The following PCNT variants were observed in gnomAD, a reference collection of about 807,000 sequenced individuals.
PCNT encodes pericentrin.
In PCNT, 319 loss-of-function variants were observed where a neutral mutation model predicts 380.4. The observed-to-expected ratio is 0.84, with a 90% CI of 0.77 to 0.92. The LOEUF is 0.92. Ranked by LOEUF, PCNT falls within the 40% of genes least tolerant of loss-of-function variation. The probability of loss-of-function intolerance (pLI) is 0.00; values close to 1 mark genes in which losing one functional copy is unlikely to be tolerated. For missense variants in PCNT, 4,400 were observed against 4,255.3 expected (o/e 1.03, Z -0.95); for synonymous variants, 1,845 against 1,735.2 (o/e 1.06, Z -1.57).
intron 15 of PCNT, among the ~76,000 whole-genome samples, chr21:46,375,952 A>G (rs905311879): frequency 6.6e-6 from 1 of 152,228 alleles, no homozygotes; most frequent in African/African-American, 2.4e-5. Context: ...GCGAAGGTCA[A>G]GACTGCACAC....
chr21:46,328,498 T>C (rs2083457346), intron 2 of PCNT, among the ~76,000 whole-genome samples: 1 of 152,220 alleles, frequency 6.6e-6, no homozygotes, highest in Non-Finnish European at 1.5e-5. Context: ...TCTCACTCTT[T>C]TGCCCAGGCT....
At chr21:46,372,050 T>C (rs1423867425) in intron 15 of PCNT, among the ~76,000 whole-genome samples, 1 of 143,382 alleles carries the variant, frequency 7.0e-6, no homozygotes, top group Non-Finnish European at 1.5e-5. Context: ...TCACAGCATA[T>C]GTGCCCATAC....
chr21:46,377,168 G>A (rs2085355593), intron 15 of PCNT, among the ~76,000 whole-genome samples: 1 of 152,236 alleles, frequency 6.6e-6, no homozygotes, highest in Non-Finnish European at 1.5e-5. Context: ...AGTTACTTCA[G>A]AAAAGGCACT....
rs978847165 is a variant in PCNT at position 46,388,717 on chromosome 21, T to C, written c.3465-25T>C. On this transcript the variant is annotated intron_variant, in intron 17 of 46. Transcript: ENST00000359568. This position sits in a 1 kb window ranked among gnomAD's most constrained non-coding sequence, Gnocchi z 4.2. The stretch of plus-strand genomic sequence containing the variant: ...GTTCTTATGCCGTGACCAGCTTGCC[T>C]GATGATGGGTGTCTCCTGTCTCAGA... 6.2e-7 allele frequency: 1 copy of C among 1,613,186 alleles called. No homozygotes were observed. Among genetic ancestry groups the C allele is most frequent in the Non-Finnish European group, 8.5e-7 (1 of 1,179,958 alleles).
chr21:46,428,282 C>T, intron 34 of PCNT, 113 bp from the exon 35 acceptor site: 3 of 966,124 alleles, frequency 3.1e-6, no homozygotes, highest in Non-Finnish European at 4.9e-6. Flanking sequence ...GCACCCATCC[C>T]AGACTCAGCA....
intron 1 of PCNT, chr21:46,325,246 G>A: frequency 2.1e-6 from 2 of 972,618 alleles, no homozygotes. Flanking sequence ...TTCTGGCTGG[G>A]GTGCTGGGGA....
chr21:46,425,747 C>A lies in PCNT; in HGVS notation c.7180-84C>A. On this transcript the variant is annotated intron_variant, in intron 32 of 46. Transcript: ENST00000359568. The surrounding 1 kb of genome is among the most constrained non-coding windows in gnomAD (Gnocchi z 4.2). ...CTGCCCGCCCTTCACAGAGTCCTGG[C>A]GGCAGCTCGGGGCCGCAGGTGGTGT... 15 of 1,590,290 alleles carry A rather than the reference C, an allele frequency of 9.4e-6. No homozygotes were observed. The highest frequency in any genetic ancestry group is 2.2e-5 in the South Asian group (2 of 90,500).
chr21:46,329,926 G>A (rs879191121), intron 2 of PCNT, among the ~76,000 whole-genome samples: 3 of 152,084 alleles, frequency 2.0e-5, no homozygotes, highest in East Asian at 1.9e-4. Context: ...ATCTCACATC[G>A]TCATCCTGAA....
intron 4 of PCNT, among the ~76,000 whole-genome samples, 156 bp downstream of exon 4, chr21:46,346,364 G>A (rs533976590): frequency 2.0e-4 from 30 of 152,326 alleles, no homozygotes; most frequent in Admixed American, 1.4e-3. Context: ...AGCAGGGCCG[G>A]TGGAGGAGAC....
intron 30 of PCNT, 52 bp from the exon 31 acceptor site, chr21:46,418,152 G>A (rs1204479771): frequency 2.0e-5 from 23 of 1,132,614 alleles, no homozygotes; most frequent in East Asian, 4.7e-5. Flanking sequence ...CAAAGTCAGC[G>A]CTATGATGTA....
intron 21 of PCNT, among the ~76,000 whole-genome samples, chr21:46,394,337 C>T (rs189236919): frequency 1.4e-4 from 22 of 152,340 alleles, no homozygotes; most frequent in South Asian, 6.2e-4. Context: ...GGCCTGCAGC[C>T]GCACAGGCAG....
At chr21:46,329,752 G>T (rs773486564) in intron 2 of PCNT, among the ~76,000 whole-genome samples, 1 of 152,310 alleles carries the variant, frequency 6.6e-6, no homozygotes, top group African/African-American at 2.4e-5. Flanking sequence ...AAAGCATTCT[G>T]TTACTTATAA....
rs1217566598 is a variant in PCNT at position 46,399,707 on chromosome 21, G to A, written c.4702G>A (p.Glu1568Lys). The change falls in exon 25 of 47, where the codon GAG becomes AAG. Residue 1568 changes from glutamate to lysine, a missense_variant. Transcript: ENST00000359568. ...GCAGGAAGAAGAAATTAAACGTCTG[G>A]AGGAGATGAACATCAACATCAGGAA... ...LMQEEEIKRL[E>K]EMNINIRKKV... The A allele has an allele frequency of 1.9e-6, 3 of 1,613,878 alleles. No individual in the cohort carries two copies. The highest frequency in any genetic ancestry group is 2.5e-6 in the Non-Finnish European group (3 of 1,179,866).
Position 46,416,785 on chromosome 21 carries a change from G to A in PCNT, c.6867G>A (p.Leu2289=). 1 of 1,602,024 alleles carries A rather than the reference G, an allele frequency of 6.2e-7. No individual in the cohort carries two copies. Among genetic ancestry groups the A allele is most frequent in the Non-Finnish European group, 8.5e-7 (1 of 1,179,112 alleles). Residue 2289 remains leucine, a synonymous_variant, in exon 30 of 47, where the codon CTG becomes CTA. Coordinates refer to ENST00000359568, the MANE Select transcript of PCNT (RefSeq NM_006031.6). ...SPGVSAAALA[L]QWAESPPADD... ...GCGTGTCTGCAGCAGCGCTGGCACT[G>A]CAGTGGGCCGAGTCTCCGCCGGCTG...
chr21:46,444,772 T>A lies in PCNT; in HGVS notation c.9918T>A (p.Tyr3306Ter). 1 of 1,613,150 alleles carries A rather than the reference T, an allele frequency of 6.2e-7. No homozygotes were observed. The highest frequency in any genetic ancestry group is 1.1e-5 in the South Asian group (1 of 91,060). The change falls in exon 46 of 47, where the codon TAT becomes TAA. Residue 3306 changes from tyrosine to a stop codon, truncating the protein, a stop_gained. Coordinates refer to ENST00000359568, the MANE Select transcript of PCNT (RefSeq NM_006031.6). LOFTEE classifies it high-confidence loss of function. ...SQDPEHSLTE[Y>*]IHHLEVIQQR... ...ATCCAGAACATTCCTTGACAGAGTA[T>A]ATTCACCATTTAGAAGTGATCCAGC...
rs1418455355 is a variant in PCNT, at chr21:46,431,133, G to C, written c.8065-396G>C. The C allele has an allele frequency of 5.0e-6, 6 of 1,189,028 alleles. No individual in the cohort carries two copies. In the South Asian group the frequency reaches 7.0e-5, roughly 14 times the overall value. 73.7% of individuals were successfully genotyped at this position (1,189,028 alleles called of 1,614,324 possible). ...CCTAGCAAGCTGGGTGTGTATCTCT[G>C]AGCCTCTGGTGGAGTGATTTTCTGA... is the stretch of plus-strand genomic sequence containing the variant. On this transcript the variant is annotated intron_variant, in intron 37 of 46. Transcript: ENST00000359568.
At chr21:46,367,310 C>CTTT (rs35676009) in intron 15 of PCNT, among the ~76,000 whole-genome samples, 171 bp downstream of exon 15, 6 of 132,736 alleles carry the variant, frequency 4.5e-5, no homozygotes, top group Admixed American at 7.7e-5. Context: ...GTGAACTGGG[C>CTTT]TTTTTTTTTT....
chr21:46,423,203 CCTT>C (rs2087330093), intron 32 of PCNT, among the ~76,000 whole-genome samples: 3 of 150,290 alleles, frequency 2.0e-5, no homozygotes, highest in South Asian at 4.2e-4. Context: ...CTTTGCATTT[CCTT>C]TTTTTTTTTT....
At chr21:46,378,282 A>C (rs142593129) in intron 15 of PCNT, among the ~76,000 whole-genome samples, 1 of 152,118 alleles carries the variant, frequency 6.6e-6, no homozygotes, top group East Asian at 1.9e-4. Context: ...TAAAGGAATC[A>C]CCCTGTGGTG....
Sources: gnomAD v4.1 joint callset for allele counts (sites outside exome capture counted in the v4.1 genomes callset) on GRCh38, gnomAD v4.1.1 for gene constraint, Gnocchi (gnomAD v3.1) non-coding constraint, MANE v1.5 for transcripts, NCBI Gene and HGNC (gene_info 2026-07-23, HGNC 2026-07-21) for gene names.